VWF: variants seen among roughly 807,000 people sequenced by gnomAD.
The protein encoded by VWF is von Willebrand factor, also known as Factor VIII related antigen.
Under a neutral mutation model 308.6 loss-of-function variants are expected in VWF, and 176 were observed. That is an observed-to-expected ratio of 0.57 (90% CI 0.50 to 0.65). The LOEUF (loss-of-function observed/expected upper bound fraction) is 0.65. Among genes scored for constraint, VWF ranks in the 30% least tolerant of loss-of-function variants. VWF has a pLI of 0.00. For synonymous variants in VWF, 1,385 were observed against 1,443.4 expected (o/e 0.96, Z 0.92); for missense variants, 3,146 against 3,648.2 (o/e 0.86, Z 3.55).
chr12:5,989,664 G>T (rs752754746), intron 38 of VWF, among the ~76,000 whole-genome samples: 1 of 152,120 alleles, frequency 6.6e-6, no homozygotes, highest in Non-Finnish European at 1.5e-5. Context: ...GATGAGGCGG[G>T]CAGTGAAAGG....
chr12:6,092,491 C>G (rs1202507351), intron 6 of VWF, among the ~76,000 whole-genome samples: 1 of 150,752 alleles, frequency 6.6e-6, no homozygotes, highest in Non-Finnish European at 1.5e-5. Flanking sequence ...TACTGGTGCA[C>G]CACCATGCCC....
At chr12:5,964,874 C>A (rs577397217) in intron 47 of VWF, among the ~76,000 whole-genome samples, 1 of 152,192 alleles carries the variant, frequency 6.6e-6, no homozygotes, top group East Asian at 1.9e-4. Flanking sequence ...AGAAAATAAG[C>A]CGAAGGGGGC....
chr12:6,108,334 T>TAC (rs34140032), intron 5 of VWF, among the ~76,000 whole-genome samples: 10,279 of 124,078 alleles, frequency 0.083, 587 homozygotes, highest in African/African-American at 0.16. Context: ...AAGAAATATA[T>TAC]ACACACACAC....
chr12:6,031,403 C>G, intron 21 of VWF, 41 bp downstream of exon 21: 1 of 1,614,132 alleles, frequency 6.2e-7, no homozygotes, highest in Non-Finnish European at 8.5e-7. Flanking sequence ...GTGGCAGAAG[C>G]ACAAAGCGGG....
At chr12:5,964,270 A>ACATGCATACATACATG (rs1301051467) in intron 47 of VWF, among the ~76,000 whole-genome samples, 1 of 139,066 alleles carries the variant, frequency 7.2e-6, no homozygotes, top group East Asian at 2.1e-4. Flanking sequence ...ATACATACAT[A>ACATGCATACATACATG]CATGCATACA....
rs369909318 is a variant in VWF, at chr12:5,983,138, C to T, written c.7081+12G>A. 3.7e-5 allele frequency: 60 copies of T among 1,612,336 alleles called. No homozygotes were observed. Among genetic ancestry groups the T allele is most frequent in the Non-Finnish European group, 4.9e-5 (58 of 1,179,250 alleles). On this transcript the variant is annotated intron_variant, in intron 41 of 51. Transcript: ENST00000261405. Reference sequence around the variant, plus strand: ...AGGCCACACCACCCCTCCTCATCCACAGAGGCCTTACCGCAGGTGAAGTTG... The same window carrying T: ...AGGCCACACCACCCCTCCTCATCCATAGAGGCCTTACCGCAGGTGAAGTTG...
chr12:6,075,670 G>T lies in VWF; in HGVS notation c.658-119C>A. ...CTCCCTCAGCACCTGGGACAGGCTG[G>T]CACCAAGCACATGCATGTGTTCAAT... On this transcript the variant is annotated intron_variant, in intron 6 of 51. Coordinates refer to ENST00000261405, the MANE Select transcript of VWF (RefSeq NM_000552.5). The surrounding 1 kb of genome is among the most constrained non-coding windows in gnomAD (Gnocchi z 4.7). The T allele has an allele frequency of 2.8e-6, 3 of 1,079,776 alleles. No homozygotes were observed. The highest frequency in any genetic ancestry group is 1.4e-5 in the South Asian group (1 of 74,044). The allele number at this position is 1,079,776 out of a possible 1,614,324, so 66.9% of individuals were successfully genotyped here.
chr12:6,113,587 C>T (rs979660004), intron 3 of VWF, among the ~76,000 whole-genome samples: 1 of 152,328 alleles, frequency 6.6e-6, no homozygotes, highest in Non-Finnish European at 1.5e-5. Context: ...AGCCACCGTG[C>T]CCTGCAAAGT....
At chr12:6,008,801 C>T (rs148641698) in intron 34 of VWF, among the ~76,000 whole-genome samples, 20 of 152,228 alleles carry the variant, frequency 1.3e-4, no homozygotes, top group African/African-American at 3.9e-4. Flanking sequence ...GCAAATTCAG[C>T]GAAGTTAAAA....
intron 38 of VWF, among the ~76,000 whole-genome samples, chr12:5,987,294 A>G (rs1312076313): frequency 6.6e-6 from 1 of 152,250 alleles, no homozygotes; most frequent in East Asian, 1.9e-4. Flanking sequence ...AAATATGTTC[A>G]AGATATTTTT....
At position 5,953,611 on chromosome 12, in the gene VWF, A is replaced by G. The variant is rs12297370; in HGVS notation, c.7888-17T>C. The G allele has an allele frequency of 3.2e-3, 5,173 of 1,602,688 alleles. 155 individuals carry two copies. The African/African-American group carries it at 0.06, about 18-fold the overall frequency. ...CTTGTAACCCTGCATCCAGAGGGGG[A>G]AAAAGCAGCCATAGTTAACCTCCTT... On this transcript the variant is annotated splice_polypyrimidine_tract_variant and intron_variant, in intron 47 of 51. Coordinates refer to ENST00000261405, the MANE Select transcript of VWF (RefSeq NM_000552.5).
Position 6,020,426 on chromosome 12 carries a change from A to G in VWF, c.3675-683T>C, listed in dbSNP as rs1385749365. The stretch of plus-strand genomic sequence containing the variant: ...ACATTCACTCATTCCTCCAGCAGAC[A>G]TAGGGTGAGCACCTCTCATGTGCCA... On this transcript the variant is annotated intron_variant, in intron 27 of 51. Transcript: ENST00000261405. The surrounding 1 kb of genome is among the most constrained non-coding windows in gnomAD (Gnocchi z 4.3). Among the ~76,000 whole-genome samples the G allele has an allele frequency of 6.6e-6, 1 of 152,250 alleles. No homozygotes were observed. Among genetic ancestry groups the G allele is most frequent in the East Asian group, 1.9e-4 (1 of 5,200 alleles).
rs1422205069 is a variant in VWF, at chr12:6,065,195, T to C, written c.1235A>G (p.Tyr412Cys). The change falls in exon 11 of 52, where the codon TAC becomes TGC. Residue 412 changes from tyrosine to cysteine, a missense_variant. This residue lies in a region of VWF where 1,304 missense variants were observed against 1,353.0 expected (regional missense o/e 0.96). Coordinates refer to ENST00000261405, the MANE Select transcript of VWF (RefSeq NM_000552.5). The part of the protein sequence containing the change: ...RYFTFSGICQ[Y>C]LLARDCQDHS... ...GTCCTGGCAATCCCGGGCCAGCAGG[T>C]ACTGGCAGATCCCACTGAAGGTGAA... 1.2e-6 allele frequency: 2 copies of C among 1,614,160 alleles called. No homozygotes were observed. Among genetic ancestry groups the C allele is most frequent in the Non-Finnish European group, 8.5e-7 (1 of 1,180,022 alleles).
At position 6,052,597 on chromosome 12, in the gene VWF, T is replaced by C; in HGVS notation, c.2132A>G (p.Tyr711Cys). ...TTCTGGCTGGAAGATCTCACCGTCATAGTAACAGGGGCACTGGGCCTTGGG... is the reference window on the plus strand; with the variant it reads ...TTCTGGCTGGAAGATCTCACCGTCACAGTAACAGGGGCACTGGGCCTTGGG... ...CVPKAQCPCYYDGEIFQPEDI... is the reference protein window; with the variant it reads ...CVPKAQCPCYCDGEIFQPEDI... Residue 711 changes from tyrosine (Y) to cysteine (C), a missense_variant, in exon 16 of 52, where the codon TAT (tyrosine) becomes TGT (cysteine). Transcript: ENST00000261405. 3.7e-6 allele frequency: 6 copies of C among 1,614,256 alleles called. No individual in the cohort carries two copies. Among genetic ancestry groups the C allele is most frequent in the Non-Finnish European group, 5.1e-6 (6 of 1,180,046 alleles).
intron 44 of VWF, 110 bp downstream of exon 44, chr12:5,971,489 T>TG (rs1565814026): frequency 4.5e-6 from 4 of 881,026 alleles, no homozygotes; most frequent in Non-Finnish European, 3.7e-6. Flanking sequence ...CTGGGTGAAA[T>TG]GCCCAGTGGG....
rs551104998 is a variant in VWF, at chr12:5,965,653, G to C, written c.7887+1833C>G. Reference sequence around the variant, plus strand: ...GGAGGCAACGGAAGACTCACATCTCGGGCAACACTGGCACTTCAGCCCAAC... The same window carrying C: ...GGAGGCAACGGAAGACTCACATCTCCGGCAACACTGGCACTTCAGCCCAAC... On this transcript the variant is annotated intron_variant, in intron 47 of 51. Transcript: ENST00000261405. Among the ~76,000 whole-genome samples, 156 of 152,226 alleles carry C rather than the reference G, an allele frequency of 1.0e-3. 1 individual carries two copies. The highest frequency in any genetic ancestry group is 3.4e-3 in the African/African-American group (141 of 41,530).
intron 5 of VWF, among the ~76,000 whole-genome samples, chr12:6,103,094 A>G (rs886785147): frequency 4.6e-5 from 7 of 152,086 alleles, no homozygotes; most frequent in Admixed American, 1.3e-4. Flanking sequence ...TTGGGAGGCC[A>G]AGGTGGGTGG....
chr12:6,050,588 T>C (rs1350134674), intron 16 of VWF, among the ~76,000 whole-genome samples: 1 of 152,186 alleles, frequency 6.6e-6, no homozygotes, highest in Admixed American at 6.5e-5. Context: ...ATAGCATGCG[T>C]TCATGCCAGA....
rs1944120917 is a variant in VWF at position 6,020,762 on chromosome 12, T to TC, written c.3675-1020dup. 6.6e-6 allele frequency among the ~76,000 whole-genome samples: 1 copy of TC among 152,188 alleles called. No homozygotes were observed. Among genetic ancestry groups the TC allele is most frequent in the Non-Finnish European group, 1.5e-5 (1 of 68,034 alleles). ...GGCAGCGCCCTGAGCCTGGGAAGTGTCCCCCTGCGGCTTGATACCAGGTGA... is the reference window on the plus strand; with the variant it reads ...GGCAGCGCCCTGAGCCTGGGAAGTGTCCCCCCTGCGGCTTGATACCAGGTGA... On this transcript the variant is annotated intron_variant, in intron 27 of 51. Coordinates refer to ENST00000261405, the MANE Select transcript of VWF (RefSeq NM_000552.5). This position sits in a 1 kb window ranked among gnomAD's most constrained non-coding sequence, Gnocchi z 4.3.
Sources: gnomAD v4.1 joint callset for allele counts (sites outside exome capture counted in the v4.1 genomes callset) on GRCh38, gnomAD v4.1.1 for gene constraint, gnomAD v4.1.1 regional missense constraint, Gnocchi (gnomAD v3.1) non-coding constraint, MANE v1.5 for transcripts, NCBI Gene and HGNC (gene_info 2026-07-23, HGNC 2026-07-21) for gene names.